Variants in TCF24 observed in about 807,000 individuals in gnomAD.
TCF24 encodes transcription factor 24.
Under a neutral mutation model 9.3 loss-of-function variants are expected in TCF24, and 5 were observed. That is an observed-to-expected ratio of 0.54 (90% CI 0.28 to 1.13). TCF24 has a LOEUF of 1.13. TCF24 is among the 50% of genes most tolerant of loss of function. TCF24 has a pLI of 0.09. For synonymous variants in TCF24, 110 were observed against 115.8 expected, an observed-to-expected ratio of 0.95 and a Z score of 0.32; for missense variants, 220 against 236.1, an observed-to-expected ratio of 0.93 and a Z score of 0.45.
chr8:66,947,794 C>T lies in TCF24; in HGVS notation c.*257G>A, dbSNP rs564712967. 1.4e-5 allele frequency: 4 copies of T among 276,474 alleles called. No homozygotes were observed. The East Asian group carries it at 2.6e-4, about 18-fold the overall frequency. 17.1% of individuals were successfully genotyped at this position (276,474 alleles called of 1,614,324 possible). ...CTTTAGCTATATACACAATTGTTTG[C>T]TTTCATGTGACTTTTTTCTAATAAT... is the stretch of plus-strand genomic sequence containing the variant. On this transcript the variant is annotated 3_prime_UTR_variant, in exon 4 of 4. Transcript: ENST00000563496.
At position 66,961,339 on chromosome 8, in the gene TCF24, C is replaced by A. The variant is rs893211963; in HGVS notation, c.390+37G>T. The A allele has an allele frequency of 3.5e-6, 5 of 1,417,738 alleles. No homozygotes were observed. In the African/African-American group the frequency reaches 6.0e-5, roughly 17 times the overall value. The allele number at this position is 1,417,738 out of a possible 1,614,324, so 87.8% of individuals were successfully genotyped here. On this transcript the variant is annotated intron_variant, in intron 3 of 3. Coordinates refer to ENST00000563496, the MANE Select transcript of TCF24 (RefSeq NM_001193502.2). ...GCAGGGCAGATCAAGGTGTCCTGGT[C>A]TCGGCCCCAGCCCCGCGGTGCGCCC...
At position 66,959,839 on chromosome 8, in the gene TCF24, GT is replaced by G. The variant is rs564522762; in HGVS notation, c.390+1536del. Among the ~76,000 whole-genome samples, 43 of 152,198 alleles carry G rather than the reference GT, an allele frequency of 2.8e-4. No individual in the cohort carries two copies. The South Asian group carries it at 8.9e-3, about 32-fold the overall frequency. On this transcript the variant is annotated intron_variant, in intron 3 of 3. Transcript: ENST00000563496. ...CAATCAATATTTACAAATAAAAACA[GT>G]TATGATTACAAAAACATTTGGTACA...
Position 66,947,822 on chromosome 8 carries a change from C to A in TCF24, c.*229G>T, listed in dbSNP as rs932965785. On this transcript the variant is annotated 3_prime_UTR_variant, in exon 4 of 4. Coordinates refer to ENST00000563496, the MANE Select transcript of TCF24 (RefSeq NM_001193502.2). ...TCATGTGACTTTTTTCTAATAATTT[C>A]TCTTGCACTATATAGTAGTGACTCT... 3.0e-6 allele frequency: 1 copy of A among 329,254 alleles called. No homozygotes were observed. The highest frequency in any genetic ancestry group is 5.5e-6 in the Non-Finnish European group (1 of 182,674). The allele number at this position is 329,254 out of a possible 1,614,324, so 20.4% of individuals were successfully genotyped here.
Position 66,961,532 on chromosome 8 carries a change from G to C in TCF24, c.234C>G (p.Ser78=), listed in dbSNP as rs908858354. The change falls in exon 3 of 4, where the codon TCC becomes TCG. Residue 78 remains serine, a synonymous_variant. Transcript: ENST00000563496. ...TGGACAGCTTGGTGTCGGGCGGCAC[G>C]GACGGCAGCGTGCGCTGCAGCTCCA... ...AFLELQRTLP[S]VPPDTKLSKL... 1.1e-5 allele frequency: 17 copies of C among 1,510,626 alleles called. No homozygotes were observed. In the African/African-American group the frequency reaches 1.6e-4, roughly 14 times the overall value. 93.6% of individuals were successfully genotyped at this position (1,510,626 alleles called of 1,614,324 possible).
At chr8:66,956,776 C>T (rs963782805) in intron 3 of TCF24, among the ~76,000 whole-genome samples, 1 of 152,134 alleles carries the variant, frequency 6.6e-6, no homozygotes, top group African/African-American at 2.4e-5. Context: ...TGTAGTGTTA[C>T]AGACTGAATG....
At chr8:66,959,037 C>T (rs957673434) in intron 3 of TCF24, among the ~76,000 whole-genome samples, 2 of 152,192 alleles carry the variant, frequency 1.3e-5, no homozygotes, top group Non-Finnish European at 1.5e-5. Flanking sequence ...TGCAATGTAG[C>T]CACAATCTCT....
chr8:66,961,867 G>T lies in TCF24; in HGVS notation c.-24+10C>A. 2 of 962,506 alleles carry T rather than the reference G, an allele frequency of 2.1e-6. No homozygotes were observed. Among genetic ancestry groups the T allele is most frequent in the Non-Finnish European group, 2.5e-6 (2 of 805,346 alleles). 59.6% of individuals were successfully genotyped at this position (962,506 alleles called of 1,614,324 possible). ...GAGGCGCAGCCCCCTGGTTCTCCCC[G>T]TGCGCCCACCAGCAGCCCAACGGGG... On this transcript the variant is annotated intron_variant, in intron 2 of 3. Coordinates refer to ENST00000563496, the MANE Select transcript of TCF24 (RefSeq NM_001193502.2).
intron 3 of TCF24, 121 bp from the exon 4 acceptor site, chr8:66,948,285 C>A: frequency 5.0e-6 from 3 of 600,732 alleles, no homozygotes; most frequent in Non-Finnish European, 7.8e-6. Context: ...TAGCTAATAA[C>A]AATTATAAGT....
At chr8:66,955,513 T>C (rs73262331) in intron 3 of TCF24, among the ~76,000 whole-genome samples, 4,245 of 152,244 alleles carry the variant, frequency 0.028, 129 homozygotes, top group African/African-American at 0.077. Flanking sequence ...GCTAGTTACA[T>C]AGCACCATAA....
rs1419815408 is a variant in TCF24, at chr8:66,961,447, C to T, written c.319G>A (p.Asp107Asn). Residue 107 changes from aspartate to asparagine, a missense_variant, in exon 3 of 4, where the codon GAC (aspartate) becomes AAC (asparagine). Coordinates refer to ENST00000563496, the MANE Select transcript of TCF24 (RefSeq NM_001193502.2). Reference protein sequence around the residue: ...YIAHLTRSLQDDAEAPADAGL... With the variant: ...YIAHLTRSLQNDAEAPADAGL... ...GCGTCCGCCGGCGCCTCGGCGTCGT[C>T]CTGCAGGCTGCGGGTGAGATGCGCG... is the stretch of plus-strand genomic sequence containing the variant. 6.5e-7 allele frequency: 1 copy of T among 1,527,914 alleles called. No homozygotes were observed. Among genetic ancestry groups the T allele is most frequent in the South Asian group, 1.2e-5 (1 of 83,054 alleles). The allele number at this position is 1,527,914 out of a possible 1,614,324, so 94.6% of individuals were successfully genotyped here. A position where few individuals can be genotyped will look rare whatever the true frequency, so the allele number is the denominator to read the frequency against.
chr8:66,953,838 C>T (rs1470373601), intron 3 of TCF24, among the ~76,000 whole-genome samples: 1 of 151,972 alleles, frequency 6.6e-6, no homozygotes, highest in East Asian at 1.9e-4. Context: ...CGCTTCATTT[C>T]ATTCATTTCA....
rs1286882221 is a variant in TCF24 at position 66,949,802 on chromosome 8, C to T, written c.391-1638G>A. Among the ~76,000 whole-genome samples, 6 of 148,434 alleles carry T rather than the reference C, an allele frequency of 4.0e-5. 1 individual carries two copies. The South Asian group carries it at 8.8e-4, about 22-fold the overall frequency. The stretch of plus-strand genomic sequence containing the variant: ...GACTTTTTAATGATTGCCATTCTAA[C>T]TGGTGTGAGATGGTATCTCATTGTG... On this transcript the variant is annotated intron_variant, in intron 3 of 3. Transcript: ENST00000563496.
intron 3 of TCF24, 101 bp from the exon 4 acceptor site, chr8:66,948,265 C>A: frequency 3.0e-6 from 2 of 674,648 alleles, no homozygotes; most frequent in South Asian, 2.9e-5. Context: ...AATGCAAATG[C>A]AATATTATGT....
chr8:66,955,700 G>C (rs2130900483), intron 3 of TCF24, among the ~76,000 whole-genome samples: 1 of 152,284 alleles, frequency 6.6e-6, no homozygotes, highest in South Asian at 2.1e-4. Flanking sequence ...AATTAAGTCA[G>C]AATGGACTAT....
In TCF24 at chr8:66,947,481, A is replaced by G. The variant is rs539230313; in HGVS notation, c.*570T>C. ...TACAGAATAACCCTCTAGGAAGGTGACCAAGCCCTGTCCTCTGAGCAAACC... is the reference window on the plus strand; with the variant it reads ...TACAGAATAACCCTCTAGGAAGGTGGCCAAGCCCTGTCCTCTGAGCAAACC... On this transcript the variant is annotated 3_prime_UTR_variant, in exon 4 of 4. Coordinates refer to ENST00000563496, the MANE Select transcript of TCF24 (RefSeq NM_001193502.2). 4 of 152,396 alleles carry G rather than the reference A, an allele frequency of 2.6e-5. No homozygotes were observed. The highest frequency in any genetic ancestry group is 9.6e-5 in the African/African-American group (4 of 41,576). 9.4% of individuals were successfully genotyped at this position (152,396 alleles called of 1,614,324 possible).
intron 3 of TCF24, among the ~76,000 whole-genome samples, chr8:66,948,462 C>A (rs1225812522): frequency 1.3e-5 from 2 of 152,104 alleles, no homozygotes; most frequent in Non-Finnish European, 2.9e-5. Flanking sequence ...AAAAATATAT[C>A]TGCCCGTAAT....
Position 66,962,462 on chromosome 8 carries a change from T to C in TCF24, c.-268A>G. 1 of 152,816 alleles carries C rather than the reference T, an allele frequency of 6.5e-6. No homozygotes were observed. Among genetic ancestry groups the C allele is most frequent in the Non-Finnish European group, 1.5e-5 (1 of 68,440 alleles). The allele number at this position is 152,816 out of a possible 1,614,324, so 9.5% of individuals were successfully genotyped here. A position where few individuals can be genotyped will look rare whatever the true frequency, so the allele number is the denominator to read the frequency against. On this transcript the variant is annotated 5_prime_UTR_variant, in exon 1 of 4. Coordinates refer to ENST00000563496, the MANE Select transcript of TCF24 (RefSeq NM_001193502.2). ...GCCGATGCCCAAGTCGACGGCTGTT[T>C]CCAACCTCCGCTGGCTGTGACTTTT...
chr8:66,949,566 C>A (rs1346232723), intron 3 of TCF24, among the ~76,000 whole-genome samples: 1 of 152,096 alleles, frequency 6.6e-6, no homozygotes, highest in African/African-American at 2.4e-5. Flanking sequence ...AATAAACATA[C>A]GTGTGCATGT....
At chr8:66,959,835 AAC>A (rs1036033169) in intron 3 of TCF24, among the ~76,000 whole-genome samples, 10 of 152,336 alleles carry the variant, frequency 6.6e-5, no homozygotes, top group African/African-American at 2.2e-4. Flanking sequence ...TACAAATAAA[AAC>A]AGTTATGATT....
Sources: gnomAD v4.1 joint callset for allele counts (sites outside exome capture counted in the v4.1 genomes callset) on GRCh38, gnomAD v4.1.1 for gene constraint, MANE v1.5 for transcripts, NCBI Gene and HGNC (gene_info 2026-07-23, HGNC 2026-07-21) for gene names.